The following HOOK3 variants were observed in gnomAD, a reference collection of about 807,000 sequenced individuals.
HOOK3 encodes the protein hook microtubule tethering protein 3, also known as protein Hook homolog 3.
In HOOK3, 24 loss-of-function variants were observed where a neutral mutation model predicts 116.3. That is an observed-to-expected ratio of 0.21 (90% CI 0.15 to 0.29). HOOK3 has a LOEUF of 0.29. HOOK3 is among the 10% of genes least tolerant of loss of function. HOOK3 has a pLI of 1.00. For synonymous variants in HOOK3, 275 were observed against 283.0 expected, an observed-to-expected ratio of 0.97 and a Z score of 0.28; for missense variants, 632 against 830.2, an observed-to-expected ratio of 0.76 and a Z score of 2.93.
At position 43,019,970 on chromosome 8, in the gene HOOK3, T is replaced by G. The variant is rs1809793198; in HGVS notation, c.*1472T>G. The G allele has an allele frequency of 5.0e-6, 1 of 198,376 alleles. No homozygotes were observed. The highest frequency in any genetic ancestry group is 2.3e-5 in the African/African-American group (1 of 43,484). 12.3% of individuals were successfully genotyped at this position (198,376 alleles called of 1,614,324 possible). A position where few individuals can be genotyped will look rare whatever the true frequency, so the allele number is the denominator to read the frequency against. On this transcript the variant is annotated 3_prime_UTR_variant, in exon 22 of 22. Transcript: ENST00000307602. The stretch of plus-strand genomic sequence containing the variant: ...TGCAAGTTCAGGTTTCATTTGGTTC[T>G]TTATGTTAAATACGAATAAGTAACC...
chr8:42,937,234 T>C (rs1807988778), intron 4 of HOOK3, among the ~76,000 whole-genome samples: 1 of 152,132 alleles, frequency 6.6e-6, no homozygotes, highest in Admixed American at 6.5e-5. Flanking sequence ...AGTGGTGATA[T>C]CCTATTTATC....
rs747141054 is a variant in HOOK3, at chr8:42,973,316, G to A, written c.1150G>A (p.Glu384Lys). 19 of 1,611,864 alleles carry A rather than the reference G, an allele frequency of 1.2e-5. No individual in the cohort carries two copies. In the Admixed American group the frequency reaches 1.9e-4, roughly 16 times the overall value. ...QVVELQNRLS[E>K]ESKKADKLDF... is the part of the protein sequence containing the mutation. ...AGTAGAACTACAAAACAGATTATCC[G>A]AAGAATCAAAGAAAGCAGATAAACT... The change falls in exon 12 of 22, where the codon GAA (glutamate) becomes AAA (lysine). Residue 384 changes from glutamate to lysine, a missense_variant. Coordinates refer to ENST00000307602, the MANE Select transcript of HOOK3 (RefSeq NM_032410.4).
intron 9 of HOOK3, among the ~76,000 whole-genome samples, chr8:42,965,364 G>A (rs1364923241): frequency 6.6e-6 from 1 of 151,994 alleles, no homozygotes; most frequent in Non-Finnish European, 1.5e-5. Context: ...TATAGAGATA[G>A]ACTTATTTAA....
At chr8:42,977,885 A>G (rs1199141737) in intron 13 of HOOK3, among the ~76,000 whole-genome samples, 1 of 152,108 alleles carries the variant, frequency 6.6e-6, no homozygotes, top group Admixed American at 6.6e-5. Context: ...GAAAAAACAA[A>G]CAAAAAACAA....
At chr8:43,012,903 C>A (rs1167665772) in intron 19 of HOOK3, 148 bp from the exon 20 acceptor site, 1 of 545,712 alleles carries the variant, frequency 1.8e-6, no homozygotes, top group Non-Finnish European at 3.2e-6. Context: ...CTCCAGGCCG[C>A]ATTTACTTTT....
intron 5 of HOOK3, among the ~76,000 whole-genome samples, chr8:42,948,266 C>T (rs1406208908): frequency 6.6e-6 from 1 of 152,158 alleles, no homozygotes; most frequent in Non-Finnish European, 1.5e-5. Context: ...GAATTTTAAA[C>T]AGTGAAGGCT....
At chr8:43,005,984 C>A (rs377449851) in intron 17 of HOOK3, among the ~76,000 whole-genome samples, 3 of 148,168 alleles carry the variant, frequency 2.0e-5, no homozygotes, top group African/African-American at 7.5e-5. Context: ...TGTGAGCCAC[C>A]GCACCTGGTC....
intron 4 of HOOK3, among the ~76,000 whole-genome samples, chr8:42,931,659 C>T (rs2130366562): frequency 6.6e-6 from 1 of 151,888 alleles, no homozygotes; most frequent in East Asian, 1.9e-4. Context: ...GTCTCGATCT[C>T]CTGACCTCGT....
At chr8:42,905,492 C>T (rs551541372) in intron 1 of HOOK3, among the ~76,000 whole-genome samples, 1 of 152,098 alleles carries the variant, frequency 6.6e-6, no homozygotes, top group South Asian at 2.1e-4. Context: ...GCTTTTCTTT[C>T]CCAGAAGCAT....
chr8:42,963,332 G>A (rs1808570970), intron 8 of HOOK3, among the ~76,000 whole-genome samples: 1 of 152,188 alleles, frequency 6.6e-6, no homozygotes, highest in South Asian at 2.1e-4. Context: ...GTGTCATGTA[G>A]GTGCTCAGAA....
At chr8:42,919,767 CCT>C (rs1807617641) in intron 2 of HOOK3, among the ~76,000 whole-genome samples, 1 of 152,144 alleles carries the variant, frequency 6.6e-6, no homozygotes, top group South Asian at 2.1e-4. Context: ...ACGGTGAAAC[CCT>C]GTCTCCACCA....
intron 1 of HOOK3, among the ~76,000 whole-genome samples, chr8:42,898,416 T>G (rs551026500): frequency 4.1e-4 from 62 of 152,188 alleles, no homozygotes; most frequent in Non-Finnish European, 7.6e-4. Flanking sequence ...AGGAGATGGC[T>G]TTCACTGCTG....
At chr8:42,903,880 C>T (rs929786023) in intron 1 of HOOK3, among the ~76,000 whole-genome samples, 3 of 151,612 alleles carry the variant, frequency 2.0e-5, no homozygotes, top group Admixed American at 6.6e-5. Context: ...GGCGTGAACC[C>T]GGGAGGCGGA....
chr8:43,001,305 T>G (rs767905137), intron 16 of HOOK3, among the ~76,000 whole-genome samples: 1 of 152,070 alleles, frequency 6.6e-6, no homozygotes, highest in Non-Finnish European at 1.5e-5. Flanking sequence ...TCAAAAGAAC[T>G]TAGTGTGAGG....
intron 2 of HOOK3, among the ~76,000 whole-genome samples, chr8:42,911,422 G>C (rs1807426841): frequency 6.6e-6 from 1 of 152,174 alleles, no homozygotes; most frequent in African/African-American, 2.4e-5. Flanking sequence ...TTGCACTCCA[G>C]CCTGGGCGAC....
At chr8:42,949,150 G>T (rs1453344556) in intron 5 of HOOK3, among the ~76,000 whole-genome samples, 1 of 152,194 alleles carries the variant, frequency 6.6e-6, no homozygotes, top group Non-Finnish European at 1.5e-5. Context: ...ACCTCAAGGA[G>T]TGAGATTTTT....
intron 17 of HOOK3, among the ~76,000 whole-genome samples, chr8:43,003,107 A>G (rs968460276): frequency 1.3e-5 from 2 of 152,214 alleles, no homozygotes; most frequent in Non-Finnish European, 2.9e-5. Context: ...AACTCCGGGC[A>G]AGCATTGAAT....
chr8:42,938,970 C>T (rs1389315988), intron 4 of HOOK3, among the ~76,000 whole-genome samples: 9 of 152,038 alleles, frequency 5.9e-5, no homozygotes, highest in Admixed American at 2.0e-4. Context: ...CATCTTGCAC[C>T]GCCCTTAATC....
chr8:42,920,438 G>C (rs1205518531), intron 2 of HOOK3, among the ~76,000 whole-genome samples: 1 of 152,180 alleles, frequency 6.6e-6, no homozygotes, highest in African/African-American at 2.4e-5. Context: ...ACTATTCTTA[G>C]TATATTTTGC....
Sources: allele counts gnomAD v4.1 joint callset (sites outside exome capture counted in the v4.1 genomes callset), GRCh38; gene constraint gnomAD v4.1.1; transcripts MANE v1.5; gene names NCBI Gene and HGNC (gene_info 2026-07-23, HGNC 2026-07-21).